The following IRX3 variants were observed in gnomAD, a reference collection of about 807,000 sequenced individuals.
IRX3 encodes iroquois-class homeodomain protein IRX-3.
IRX3 carries 20 observed loss-of-function variants against 36.4 expected under a neutral mutation model. The observed-to-expected ratio is 0.55, with a 90% confidence interval of 0.39 to 0.80. The LOEUF is 0.80. Ranked by LOEUF, IRX3 falls within the 30% of genes least tolerant of loss-of-function variation. The probability of loss-of-function intolerance (pLI) is 0.00; values close to 1 mark genes in which losing one functional copy is unlikely to be tolerated. For synonymous variants in IRX3, 404 were observed against 351.6 expected, an observed-to-expected ratio of 1.15 and a Z score of -1.67; for missense variants, 718 against 733.2, an observed-to-expected ratio of 0.98 and a Z score of 0.24.
rs926963261 is a variant in IRX3 at position 54,286,356 on chromosome 16, G to A, written c.-306C>T. On this transcript the variant is annotated 5_prime_UTR_variant, in exon 1 of 4. Transcript: ENST00000329734. Reference sequence around the variant, plus strand: ...TCTCTGCGCCGCGCTCCCTCCTCTCGGCCGCCGGAGCTGCCTCTGCCCGCT... The same window carrying A: ...TCTCTGCGCCGCGCTCCCTCCTCTCAGCCGCCGGAGCTGCCTCTGCCCGCT... 11 of 987,860 alleles carry A rather than the reference G, an allele frequency of 1.1e-5. No homozygotes were observed. The highest frequency in any genetic ancestry group is 6.0e-6 in the Non-Finnish European group (5 of 831,880). 61.2% of individuals were successfully genotyped at this position (987,860 alleles called of 1,614,324 possible). A position where few individuals can be genotyped will look rare whatever the true frequency, so the allele number is the denominator to read the frequency against.
chr16:54,284,440 G>A lies in IRX3; in HGVS notation c.1384+57C>T. ...CCCCGGGCCCTGCCCCTCCCGGCCA[G>A]CTCCGGCACTACCCGCAGAGCCCGC... On this transcript the variant is annotated intron_variant, in intron 2 of 3. Coordinates refer to ENST00000329734, the MANE Select transcript of IRX3 (RefSeq NM_024336.3). The surrounding 1 kb of genome is among the most constrained non-coding windows in gnomAD (Gnocchi z 4.0). The A allele has an allele frequency of 7.1e-7, 1 of 1,404,512 alleles. No individual in the cohort carries two copies. The highest frequency in any genetic ancestry group is 1.6e-5 in the South Asian group (1 of 62,654). 87.0% of individuals were successfully genotyped at this position (1,404,512 alleles called of 1,614,324 possible). A position where few individuals can be genotyped will look rare whatever the true frequency, so the allele number is the denominator to read the frequency against.
In IRX3 at chr16:54,284,683, C is replaced by G; in HGVS notation, c.1198G>C (p.Ala400Pro). ...AAAAAHRLVS[A>P]PLGKFPAWTN... The stretch of plus-strand genomic sequence containing the variant: ...CAAGCCGGGAACTTGCCCAGCGGCG[C>G]TGAGACCAGTCTGTGAGCGGCGGCG... Residue 400 changes from alanine (A) to proline (P), a missense_variant, in exon 2 of 4, where the codon GCG becomes CCG. Physicochemically the swap from Ala to Pro is conservative, Grantham distance 27 (BLOSUM62 -1). This residue lies in a region of IRX3 where 468 missense variants were observed against 462.1 expected (regional missense o/e 1.01). Coordinates refer to ENST00000329734, the MANE Select transcript of IRX3 (RefSeq NM_024336.3). The surrounding 1 kb of genome is among the most constrained non-coding windows in gnomAD (Gnocchi z 4.0). The G allele has an allele frequency of 7.1e-7, 1 of 1,412,184 alleles. No individual in the cohort carries two copies. The highest frequency in any genetic ancestry group is 9.1e-7 in the Non-Finnish European group (1 of 1,096,722). The allele number at this position is 1,412,184 out of a possible 1,614,324, so 87.5% of individuals were successfully genotyped here.
rs1214481195 is a variant in IRX3 at position 54,284,896 on chromosome 16, C to T, written c.985G>A (p.Val329Met). 6.4e-7 allele frequency: 1 copy of T among 1,572,408 alleles called. No individual in the cohort carries two copies. The highest frequency in any genetic ancestry group is 8.6e-7 in the Non-Finnish European group (1 of 1,160,154). The change falls in exon 2 of 4, where the codon GTG becomes ATG. Residue 329 changes from valine (V) to methionine (M), a missense_variant. This residue lies in a region of IRX3 where 468 missense variants were observed against 462.1 expected (regional missense o/e 1.01). Transcript: ENST00000329734. The surrounding 1 kb of genome is among the most constrained non-coding windows in gnomAD (Gnocchi z 4.0). ...VASPSLPSPPVSLDPCAPAPA... is the reference protein window; with the variant it reads ...VASPSLPSPPMSLDPCAPAPA... Reference sequence around the variant, plus strand: ...GCGGGAGCGCAGGGGTCCAGGCTCACGGGGGGCGACGGCAGAGACGGCGAG... The same window carrying T: ...GCGGGAGCGCAGGGGTCCAGGCTCATGGGGGGCGACGGCAGAGACGGCGAG...
In IRX3 at chr16:54,286,527, G is replaced by T; in HGVS notation, c.-477C>A. ...CCCCCAGGATCGCTTCCGCTGCTTC[G>T]GGCTCCTGCACTGCCCTGGACGCTA... On this transcript the variant is annotated 5_prime_UTR_variant, in exon 1 of 4. Coordinates refer to ENST00000329734, the MANE Select transcript of IRX3 (RefSeq NM_024336.3). The T allele has an allele frequency of 3.0e-6, 1 of 335,852 alleles. No individual in the cohort carries two copies. The allele number at this position is 335,852 out of a possible 1,614,324, so 20.8% of individuals were successfully genotyped here.
Position 54,285,832 on chromosome 16 carries a change from G to T in IRX3, c.219C>A (p.Tyr73Ter). ...CCGCGGCGTAGGGCAGGAAGGCGCCGTAGCCTTGGGCGGCGGCGGCCGCAG... is the reference window on the plus strand; with the variant it reads ...CCGCGGCGTAGGGCAGGAAGGCGCCTTAGCCTTGGGCGGCGGCGGCCGCAG... ...AAAAAAAAQG[Y>*]GAFLPYAAEL... Residue 73 changes from tyrosine to a stop codon, truncating the protein, a stop_gained, in exon 1 of 4, where the codon TAC becomes TAA. Transcript: ENST00000329734. LOFTEE classifies it high-confidence loss of function. This position sits in a 1 kb window ranked among gnomAD's most constrained non-coding sequence, Gnocchi z 5.7. 6.4e-7 allele frequency: 1 copy of T among 1,562,738 alleles called. No homozygotes were observed.
rs1302948858 is a variant in IRX3, at chr16:54,284,803, C to G, written c.1078G>C (p.Asp360His). 3 of 1,483,716 alleles carry G rather than the reference C, an allele frequency of 2.0e-6. No individual in the cohort carries two copies. The highest frequency in any genetic ancestry group is 2.6e-5 in the Admixed American group (1 of 38,952). The allele number at this position is 1,483,716 out of a possible 1,614,324, so 91.9% of individuals were successfully genotyped here. A position where few individuals can be genotyped will look rare whatever the true frequency, so the allele number is the denominator to read the frequency against. ...WSLAETATSP[D>H]NPRRSPPGAG... ...CCGGGAGGCGAGCGGCGCGGGTTGT[C>G]CGGGCTTGTGGCAGTCTCCGCGAGG... The change falls in exon 2 of 4, where the codon GAC becomes CAC. Residue 360 changes from aspartate to histidine, a missense_variant. Asp to His is a moderately conservative substitution (Grantham distance 81). Transcript: ENST00000329734. The surrounding 1 kb of genome is among the most constrained non-coding windows in gnomAD (Gnocchi z 4.0).
Position 54,284,333 on chromosome 16 carries a change from A to T in IRX3, c.1385-21T>A. On this transcript the variant is annotated intron_variant, in intron 2 of 3. Transcript: ENST00000329734. This position sits in a 1 kb window ranked among gnomAD's most constrained non-coding sequence, Gnocchi z 4.0. ...GCGATCTAAGGGAAGCGGGGGAAGA[A>T]AAAGGAGGGCCTTTAGAGCGCTCGG... 6.2e-7 allele frequency: 1 copy of T among 1,601,458 alleles called. No homozygotes were observed. The highest frequency in any genetic ancestry group is 8.5e-7 in the Non-Finnish European group (1 of 1,174,646).
At position 54,285,780 on chromosome 16, in the gene IRX3, T is replaced by C. The variant is rs1472804290; in HGVS notation, c.267+4A>G. On this transcript the variant is annotated splice_donor_region_variant and intron_variant, in intron 1 of 3. Transcript: ENST00000329734. The surrounding 1 kb of genome is among the most constrained non-coding windows in gnomAD (Gnocchi z 5.7). ...CCTCCTTCCCTGGCTCCGCGGGCTC[T>C]TACCAGCTGCGGGAAGATGGGCAGC... The C allele has an allele frequency of 3.2e-6, 5 of 1,546,396 alleles. No homozygotes were observed. Among genetic ancestry groups the C allele is most frequent in the Admixed American group, 2.0e-5 (1 of 48,926 alleles).
In IRX3 at chr16:54,286,218, C is replaced by CGACGGCGGCGGCGAG; in HGVS notation, c.-183_-169dup. On this transcript the variant is annotated 5_prime_UTR_variant, in exon 1 of 4. Coordinates refer to ENST00000329734, the MANE Select transcript of IRX3 (RefSeq NM_024336.3). ...CGCCTATTGATCTGCTCCGCGGCGGCGACGGCGGCGGCGAGGGCGGCGGCG... is the reference window on the plus strand; with the variant it reads ...CGCCTATTGATCTGCTCCGCGGCGGCGACGGCGGCGGCGAGGACGGCGGCGGCGAGGGCGGCGGCG... 1 of 525,826 alleles carries CGACGGCGGCGGCGAG rather than the reference C, an allele frequency of 1.9e-6. No individual in the cohort carries two copies. The highest frequency in any genetic ancestry group is 1.9e-5 in the African/African-American group (1 of 52,216). 32.6% of individuals were successfully genotyped at this position (525,826 alleles called of 1,614,324 possible).
chr16:54,286,092 G>A lies in IRX3; in HGVS notation c.-42C>T, dbSNP rs1291827845. On this transcript the variant is annotated 5_prime_UTR_variant, in exon 1 of 4. Coordinates refer to ENST00000329734, the MANE Select transcript of IRX3 (RefSeq NM_024336.3). ...CGGACGGAGAGGGGGGCCGACCCCC[G>A]GGCCGCCCAGCTCAGCGCCGCCCGC... 90 of 1,223,134 alleles carry A rather than the reference G, an allele frequency of 7.4e-5. No homozygotes were observed. The highest frequency in any genetic ancestry group is 8.9e-5 in the Non-Finnish European group (87 of 975,130). The allele number at this position is 1,223,134 out of a possible 1,614,324, so 75.8% of individuals were successfully genotyped here.
In IRX3 at chr16:54,283,659, TTTTG is replaced by T; in HGVS notation, c.*23_*26del. 1 of 1,094,410 alleles carries T rather than the reference TTTTG, an allele frequency of 9.1e-7. No homozygotes were observed. Among genetic ancestry groups the T allele is most frequent in the Non-Finnish European group, 1.4e-6 (1 of 729,872 alleles). 67.8% of individuals were successfully genotyped at this position (1,094,410 alleles called of 1,614,324 possible). On this transcript the variant is annotated 3_prime_UTR_variant, in exon 4 of 4. Transcript: ENST00000329734. The surrounding 1 kb of genome is among the most constrained non-coding windows in gnomAD (Gnocchi z 4.4). The stretch of plus-strand genomic sequence containing the variant: ...TATTACAACGATTAAAAAAAGTTTT[TTTTG>T]TTTTTTTGTTTTTTTTAAAGAACTA...
chr16:54,285,766 G>T lies in IRX3; in HGVS notation c.267+18C>A. The T allele has an allele frequency of 6.6e-7, 1 of 1,522,554 alleles. No individual in the cohort carries two copies. The allele number at this position is 1,522,554 out of a possible 1,614,324, so 94.3% of individuals were successfully genotyped here. A position where few individuals can be genotyped will look rare whatever the true frequency, so the allele number is the denominator to read the frequency against. On this transcript the variant is annotated intron_variant, in intron 1 of 3. Coordinates refer to ENST00000329734, the MANE Select transcript of IRX3 (RefSeq NM_024336.3). The surrounding 1 kb of genome is among the most constrained non-coding windows in gnomAD (Gnocchi z 5.7). ...CCCCAGCGCCAACCCCTCCTTCCCT[G>T]GCTCCGCGGGCTCTTACCAGCTGCG...
rs1305245625 is a variant in IRX3, at chr16:54,286,084, C to T, written c.-34G>A. On this transcript the variant is annotated 5_prime_UTR_variant, in exon 1 of 4. Transcript: ENST00000329734. Reference sequence around the variant, plus strand: ...GCGGGGCACGGACGGAGAGGGGGGCCGACCCCCGGGCCGCCCAGCTCAGCG... The same window carrying T: ...GCGGGGCACGGACGGAGAGGGGGGCTGACCCCCGGGCCGCCCAGCTCAGCG... 2.4e-6 allele frequency: 3 copies of T among 1,226,598 alleles called. No individual in the cohort carries two copies. Among genetic ancestry groups the T allele is most frequent in the Non-Finnish European group, 3.1e-6 (3 of 977,186 alleles). 76.0% of individuals were successfully genotyped at this position (1,226,598 alleles called of 1,614,324 possible).
Position 54,284,803 on chromosome 16 carries a change from C to A in IRX3, c.1078G>T (p.Asp360Tyr). The change falls in exon 2 of 4, where the codon GAC becomes TAC. Residue 360 changes from aspartate (D) to tyrosine (Y), a missense_variant. Physicochemically the swap from Asp to Tyr is radical, Grantham distance 160. Transcript: ENST00000329734. The surrounding 1 kb of genome is among the most constrained non-coding windows in gnomAD (Gnocchi z 4.0). ...WSLAETATSP[D>Y]NPRRSPPGAG... is the part of the protein sequence containing the mutation. ...CCGGGAGGCGAGCGGCGCGGGTTGT[C>A]CGGGCTTGTGGCAGTCTCCGCGAGG... The A allele has an allele frequency of 6.7e-7, 1 of 1,483,828 alleles. No homozygotes were observed. The highest frequency in any genetic ancestry group is 8.9e-7 in the Non-Finnish European group (1 of 1,126,942). The allele number at this position is 1,483,828 out of a possible 1,614,324, so 91.9% of individuals were successfully genotyped here. A position where few individuals can be genotyped will look rare whatever the true frequency, so the allele number is the denominator to read the frequency against.
Position 54,284,917 on chromosome 16 carries a change from G to A in IRX3, c.964C>T (p.Pro322Ser). The A allele has an allele frequency of 6.3e-7, 1 of 1,589,054 alleles. No homozygotes were observed. The highest frequency in any genetic ancestry group is 8.6e-7 in the Non-Finnish European group (1 of 1,168,548). ...CTCACGGGGGGCGACGGCAGAGACG[G>A]CGAGGCCACGGCCACTGGTGGTGGC... Reference protein sequence around the residue: ...PAPPPVAVASPSLPSPPVSLD... With the variant: ...PAPPPVAVASSSLPSPPVSLD... The change falls in exon 2 of 4, where the codon CCG (proline) becomes TCG (serine). Residue 322 changes from proline (P) to serine (S), a missense_variant. Physicochemically the swap from Pro to Ser is moderately conservative, Grantham distance 74. This residue lies in a region of IRX3 where 468 missense variants were observed against 462.1 expected (regional missense o/e 1.01). Coordinates refer to ENST00000329734, the MANE Select transcript of IRX3 (RefSeq NM_024336.3). The surrounding 1 kb of genome is among the most constrained non-coding windows in gnomAD (Gnocchi z 4.0).
Position 54,284,757 on chromosome 16 carries a change from C to T in IRX3, c.1124G>A (p.Gly375Glu). ...CAGGGCGGAAGGCGCGACCGCTGCC[C>T]CCGGTGGAGACCCCCCCGCGCCGGG... Reference protein sequence around the residue: ...SPPGAGGSPPGAAVAPSALQL... With the variant: ...SPPGAGGSPPEAAVAPSALQL... Residue 375 changes from glycine to glutamate, a missense_variant, in exon 2 of 4, where the codon GGG becomes GAG. Physicochemically the swap from Gly to Glu is moderately conservative, Grantham distance 98. Around this residue, in one of 3 missense-constraint regions of IRX3, gnomAD observed 468 missense variants for 462.1 expected, o/e 1.01. Coordinates refer to ENST00000329734, the MANE Select transcript of IRX3 (RefSeq NM_024336.3). The surrounding 1 kb of genome is among the most constrained non-coding windows in gnomAD (Gnocchi z 4.0). 6.8e-7 allele frequency: 1 copy of T among 1,462,452 alleles called. No individual in the cohort carries two copies. The highest frequency in any genetic ancestry group is 1.5e-5 in the African/African-American group (1 of 67,268). The allele number at this position is 1,462,452 out of a possible 1,614,324, so 90.6% of individuals were successfully genotyped here.
chr16:54,286,141 T>TG lies in IRX3; in HGVS notation c.-92dup. ...GCGGGCTCCGGCGCGCATCGGGGGC[T>TG]GGGCCGGGCTTGGGGCCGCGCTGCC... On this transcript the variant is annotated 5_prime_UTR_variant, in exon 1 of 4. Transcript: ENST00000329734. 1.8e-6 allele frequency: 2 copies of TG among 1,130,414 alleles called. No individual in the cohort carries two copies. The highest frequency in any genetic ancestry group is 2.2e-6 in the Non-Finnish European group (2 of 918,184). 70.0% of individuals were successfully genotyped at this position (1,130,414 alleles called of 1,614,324 possible).
Position 54,283,623 on chromosome 16 carries a change from T to C in IRX3, c.*63A>G, listed in dbSNP as rs1237135765. On this transcript the variant is annotated 3_prime_UTR_variant, in exon 4 of 4. Transcript: ENST00000329734. The surrounding 1 kb of genome is among the most constrained non-coding windows in gnomAD (Gnocchi z 4.4). The stretch of plus-strand genomic sequence containing the variant: ...AGTTGTAACTATACAGAGCGATTTT[T>C]TTTATACAATTATTACAACGATTAA... 3 of 801,204 alleles carry C rather than the reference T, an allele frequency of 3.7e-6. No homozygotes were observed. Among genetic ancestry groups the C allele is most frequent in the Non-Finnish European group, 6.3e-6 (3 of 474,612 alleles). 49.6% of individuals were successfully genotyped at this position (801,204 alleles called of 1,614,324 possible). A position where few individuals can be genotyped will look rare whatever the true frequency, so the allele number is the denominator to read the frequency against.
chr16:54,284,792 G>A lies in IRX3; in HGVS notation c.1089C>T (p.Arg363=), dbSNP rs1165659899. Residue 363 remains arginine (R), a synonymous_variant, in exon 2 of 4, where the codon CGC becomes CGT. Coordinates refer to ENST00000329734, the MANE Select transcript of IRX3 (RefSeq NM_024336.3). The surrounding 1 kb of genome is among the most constrained non-coding windows in gnomAD (Gnocchi z 4.0). ...ACCCCCCCGCGCCGGGAGGCGAGCG[G>A]CGCGGGTTGTCCGGGCTTGTGGCAG... ...AETATSPDNP[R]RSPPGAGGSP... The A allele has an allele frequency of 6.8e-7, 1 of 1,469,270 alleles. No homozygotes were observed. Among genetic ancestry groups the A allele is most frequent in the African/African-American group, 1.5e-5 (1 of 68,042 alleles). 91.0% of individuals were successfully genotyped at this position (1,469,270 alleles called of 1,614,324 possible).
Sources: gnomAD v4.1 joint callset for allele counts on GRCh38, gnomAD v4.1.1 for gene constraint, gnomAD v4.1.1 regional missense constraint, Gnocchi (gnomAD v3.1) non-coding constraint, MANE v1.5 for transcripts, NCBI Gene and HGNC (gene_info 2026-07-23, HGNC 2026-07-21) for gene names.